LRP1B: variants seen among roughly 807,000 people sequenced by gnomAD.
The protein encoded by LRP1B is low-density lipoprotein receptor-related protein 1B.
In LRP1B, 217 loss-of-function variants were observed where a neutral mutation model predicts 556.6. That is an observed-to-expected ratio of 0.39 (90% confidence interval 0.35 to 0.44). LRP1B has a LOEUF of 0.44. Ranked by LOEUF, LRP1B falls within the 20% of genes least tolerant of loss-of-function variation. The pLI is 1.00. For missense variants in LRP1B, 5,053 were observed against 5,620.8 expected (o/e 0.90, Z 3.23); for synonymous variants, 2,047 against 1,865.8 (o/e 1.10, Z -2.50).
chr2:141,438,047 C>T (rs1008569563), intron 3 of LRP1B, among the ~76,000 whole-genome samples: 1 of 152,042 alleles, frequency 6.6e-6, no homozygotes, highest in East Asian at 1.9e-4. Context: ...GGAAGTGAGG[C>T]ATCTAAATTA....
At chr2:141,951,270 A>G (rs1239836912) in intron 1 of LRP1B, among the ~76,000 whole-genome samples, 1 of 151,862 alleles carries the variant, frequency 6.6e-6, no homozygotes, top group Non-Finnish European at 1.5e-5. Flanking sequence ...AATTTCCGAG[A>G]TTTCAGTGCA....
At chr2:140,591,670 A>T (rs1682231855) in intron 43 of LRP1B, among the ~76,000 whole-genome samples, 1 of 152,244 alleles carries the variant, frequency 6.6e-6, no homozygotes, top group Non-Finnish European at 1.5e-5. Flanking sequence ...TACACGGAGC[A>T]GTTCTGTACA....
intron 2 of LRP1B, among the ~76,000 whole-genome samples, chr2:141,789,407 T>C (rs1303253494): frequency 6.6e-6 from 1 of 152,086 alleles, no homozygotes; most frequent in Middle Eastern, 3.4e-3. Flanking sequence ...ACAGCCCACA[T>C]ACCACTTGTC....
intron 2 of LRP1B, among the ~76,000 whole-genome samples, chr2:141,619,717 A>G (rs1475727931): frequency 6.6e-6 from 1 of 152,228 alleles, no homozygotes; most frequent in Non-Finnish European, 1.5e-5. Context: ...CTTTAGAAAC[A>G]CAAGATAAGA....
intron 25 of LRP1B, among the ~76,000 whole-genome samples, chr2:140,870,552 C>T (rs547650801): frequency 1.3e-5 from 2 of 152,084 alleles, no homozygotes; most frequent in Non-Finnish European, 2.9e-5. Context: ...TTTCAGGACA[C>T]TTGAACCTTC....
intron 3 of LRP1B, among the ~76,000 whole-genome samples, chr2:141,338,569 T>C (rs1687934720): frequency 6.6e-6 from 1 of 152,202 alleles, no homozygotes; most frequent in African/African-American, 2.4e-5. Context: ...TTAGCTATTC[T>C]ATTCTTTCTG....
intron 3 of LRP1B, among the ~76,000 whole-genome samples, chr2:141,334,310 C>G (rs1316102355): frequency 6.6e-6 from 1 of 152,148 alleles, no homozygotes; most frequent in African/African-American, 2.4e-5. Context: ...ATATTGAGTT[C>G]CCACAAGATA....
At chr2:140,279,209 T>C (rs1358929683) in intron 84 of LRP1B, among the ~76,000 whole-genome samples, 1 of 151,986 alleles carries the variant, frequency 6.6e-6, no homozygotes, top group Non-Finnish European at 1.5e-5. Context: ...GCATCTGATA[T>C]TTTAGCTACG....
intron 3 of LRP1B, among the ~76,000 whole-genome samples, chr2:141,320,072 T>G (rs1448745838): frequency 2.0e-5 from 3 of 152,066 alleles, no homozygotes; most frequent in Non-Finnish European, 4.4e-5. Flanking sequence ...TCTCAGATGA[T>G]GCCAATGTTT....
chr2:141,335,134 A>G (rs2105503086), intron 3 of LRP1B, among the ~76,000 whole-genome samples: 1 of 152,326 alleles, frequency 6.6e-6, no homozygotes, highest in African/African-American at 2.4e-5. Flanking sequence ...AAATACTACA[A>G]CTTCAAAGAC....
intron 2 of LRP1B, among the ~76,000 whole-genome samples, chr2:141,706,155 A>T (rs1225599433): frequency 6.6e-6 from 1 of 151,998 alleles, no homozygotes; most frequent in South Asian, 2.1e-4. Context: ...CTTCCCTCCA[A>T]TGCAATCTTT....
At chr2:141,536,867 A>C (rs1203186589) in intron 2 of LRP1B, among the ~76,000 whole-genome samples, 1 of 152,068 alleles carries the variant, frequency 6.6e-6, no homozygotes, top group African/African-American at 2.4e-5. Context: ...GCACAATTAA[A>C]ATATCTGTGC....
chr2:140,325,243 A>G (rs1246958725), intron 80 of LRP1B, among the ~76,000 whole-genome samples: 3 of 152,114 alleles, frequency 2.0e-5, no homozygotes, highest in East Asian at 3.9e-4. Flanking sequence ...ATAGGTGGGC[A>G]TAAAACCGGT....
At chr2:140,747,898 T>G (rs188550342) in intron 35 of LRP1B, among the ~76,000 whole-genome samples, 158 of 151,682 alleles carry the variant, frequency 1.0e-3, no homozygotes, top group African/African-American at 3.7e-3. Flanking sequence ...AGGGGTTATA[T>G]GTGATTGCAA....
intron 2 of LRP1B, among the ~76,000 whole-genome samples, chr2:141,606,605 T>C (rs140678765): frequency 6.6e-6 from 1 of 152,298 alleles, no homozygotes; most frequent in African/African-American, 2.4e-5. Context: ...TGGGCCTTAA[T>C]ACAATCTGAC....
chr2:141,002,559 C>A (rs1558793604), intron 15 of LRP1B, among the ~76,000 whole-genome samples: 1 of 151,978 alleles, frequency 6.6e-6, no homozygotes, highest in East Asian at 1.9e-4. Flanking sequence ...TAAATCATTT[C>A]TAGATGACTT....
chr2:140,482,001 C>G (rs1372917138), intron 59 of LRP1B, among the ~76,000 whole-genome samples: 1 of 152,116 alleles, frequency 6.6e-6, no homozygotes, highest in African/African-American at 2.4e-5. Flanking sequence ...CTCTACCATT[C>G]TTGTTCAGGA....
rs1229792066 is a variant in LRP1B at position 140,503,103 on chromosome 2, C to G, written c.8522G>C (p.Gly2841Ala). The G allele has an allele frequency of 1.1e-5, 18 of 1,612,008 alleles. No homozygotes were observed. The highest frequency in any genetic ancestry group is 1.5e-5 in the Non-Finnish European group (18 of 1,178,774). The change falls in exon 54 of 91, where the codon GGA becomes GCA. Residue 2841 changes from glycine to alanine, a missense_variant and splice_region_variant. Gly to Ala is a moderately conservative substitution (Grantham distance 60, BLOSUM62 0). Around this residue, in one of 5 missense-constraint regions of LRP1B, gnomAD observed 3,619 missense variants for 3,931.9 expected, o/e 0.92. Coordinates refer to ENST00000389484, the MANE Select transcript of LRP1B (RefSeq NM_018557.3). ...GDGSDESPQCGYRQCGTEEFS... is the reference protein window; with the variant it reads ...GDGSDESPQCAYRQCGTEEFS... Reference sequence around the variant, plus strand: ...TTCTTCTGTACCACACTGTCGATATCCTAGAGACGCAGAAAAAACATTTGA... The same window carrying G: ...TTCTTCTGTACCACACTGTCGATATGCTAGAGACGCAGAAAAAACATTTGA...
At chr2:140,356,267 C>G (rs1336533360) in intron 75 of LRP1B, 75 bp downstream of exon 75, 1 of 1,446,220 alleles carries the variant, frequency 6.9e-7, no homozygotes, top group Non-Finnish European at 9.6e-7. Flanking sequence ...CCCCTGTGAT[C>G]TCACAATTTA....
Sources: allele counts gnomAD v4.1 joint callset (sites outside exome capture counted in the v4.1 genomes callset), GRCh38; gene constraint gnomAD v4.1.1; regional missense constraint gnomAD v4.1.1; transcripts MANE v1.5; gene names NCBI Gene and HGNC (gene_info 2026-07-23, HGNC 2026-07-21).